Variants in SHROOM4 observed in about 807,000 individuals in gnomAD.
SHROOM4 encodes the protein protein Shroom4.
SHROOM4 carries 17 observed loss-of-function variants against 80.3 expected under a neutral mutation model. That is an observed-to-expected ratio of 0.21 (90% confidence interval 0.14 to 0.32). The LOEUF is 0.32. Ranked by LOEUF, SHROOM4 falls within the 10% of genes least tolerant of loss-of-function variation. The pLI, the probability that SHROOM4 is intolerant of heterozygous loss-of-function variation, is 1.00. For missense variants in SHROOM4, 993 were observed against 1,140.3 expected (o/e 0.87, Z 1.86); for synonymous variants, 400 against 437.5 (o/e 0.91, Z 1.07).
Position 50,596,343 on chromosome X carries a change from A to C in SHROOM4, c.*352T>G. On this transcript the variant is annotated 3_prime_UTR_variant, in exon 9 of 9. Coordinates refer to ENST00000376020, the MANE Select transcript of SHROOM4 (RefSeq NM_020717.5). Reference sequence around the variant, plus strand: ...TGAGCCTTTAGAGGCTGTTGATGATATGGGTGGGTGATGAGTACTTGATGT... The same window carrying C: ...TGAGCCTTTAGAGGCTGTTGATGATCTGGGTGGGTGATGAGTACTTGATGT... 1 of 374,447 alleles carries C rather than the reference A, an allele frequency of 2.7e-6. No homozygotes were observed. Among genetic ancestry groups the C allele is most frequent in the Non-Finnish European group, 5.0e-6 (1 of 199,103 alleles). The allele number at this position is 374,447 out of a possible 1,213,427, so 30.9% of individuals were successfully genotyped here.
intron 2 of SHROOM4, among the ~76,000 whole-genome samples, chrX:50,672,130 C>CCATCTTATATGGGCACAGTTTGT (rs1932803739): frequency 3.6e-5 from 4 of 111,957 alleles, no homozygotes; most frequent in Admixed American, 9.5e-5. Context: ...ATTCAGTTTG[C>CCATCTTATATGGGCACAGTTTGT]CATCTTATAT....
chrX:50,693,746 T>G (rs782755583), intron 2 of SHROOM4, among the ~76,000 whole-genome samples: 2 of 110,884 alleles, frequency 1.8e-5, no homozygotes, highest in South Asian at 7.8e-4. Context: ...ATATGAATTC[T>G]TCTCTACTAG....
intron 1 of SHROOM4, among the ~76,000 whole-genome samples, chrX:50,718,527 T>G: frequency 1.5e-5 from 1 of 67,134 alleles, no homozygotes; most frequent in Middle Eastern, 9.3e-3. Context: ...TCCCATAATT[T>G]TAACAAGAAG....
At chrX:50,604,672 C>G (rs1474789195) in intron 6 of SHROOM4, among the ~76,000 whole-genome samples, 3 of 111,981 alleles carry the variant, frequency 2.7e-5, no homozygotes, top group African/African-American at 9.7e-5. Context: ...ATTGGAGACT[C>G]AGTTCCCCAG....
At chrX:50,794,920 A>G (rs1040696219) in intron 1 of SHROOM4, among the ~76,000 whole-genome samples, 18 of 98,444 alleles carry the variant, frequency 1.8e-4, no homozygotes, top group East Asian at 6.1e-4. Flanking sequence ...ATATATATAT[A>G]TGTGTATGTG....
At chrX:50,694,067 G>A (rs1281088466) in intron 2 of SHROOM4, among the ~76,000 whole-genome samples, 2 of 111,395 alleles carry the variant, frequency 1.8e-5, no homozygotes, top group South Asian at 3.8e-4. Context: ...TGGCTGAATC[G>A]TATTCCATTG....
At chrX:50,649,205 T>C (rs111664572) in intron 2 of SHROOM4, among the ~76,000 whole-genome samples, 1,926 of 111,826 alleles carry the variant, frequency 0.017, 46 homozygotes, top group African/African-American at 0.059. Flanking sequence ...TTAGGAAACA[T>C]GAGTTTGATT....
At chrX:50,610,124 C>T (rs1309161425) in intron 5 of SHROOM4, among the ~76,000 whole-genome samples, 2 of 111,195 alleles carry the variant, frequency 1.8e-5, no homozygotes, top group African/African-American at 6.6e-5. Flanking sequence ...TAATAATACA[C>T]ATAATAATAG....
At chrX:50,632,806 A>G (rs1335649896) in intron 4 of SHROOM4, among the ~76,000 whole-genome samples, 3 of 112,145 alleles carry the variant, frequency 2.7e-5, no homozygotes, top group African/African-American at 9.7e-5. Flanking sequence ...GAGATGAGGT[A>G]GTGAGACTCT....
intron 2 of SHROOM4, among the ~76,000 whole-genome samples, chrX:50,655,452 T>C (rs1932266414): frequency 9.2e-6 from 1 of 108,450 alleles, no homozygotes; most frequent in Non-Finnish European, 1.9e-5. Flanking sequence ...GATTTCCTTC[T>C]TTTTTATGGC....
chrX:50,741,266 G>T (rs1934648888), intron 1 of SHROOM4, among the ~76,000 whole-genome samples: 1 of 110,661 alleles, frequency 9.0e-6, no homozygotes. Flanking sequence ...TAGAATGGTG[G>T]TTACTAGAGG....
chrX:50,678,115 T>A (rs1338552314), intron 2 of SHROOM4, among the ~76,000 whole-genome samples: 1 of 111,740 alleles, frequency 8.9e-6, no homozygotes, highest in Non-Finnish European at 1.9e-5. Flanking sequence ...TCAACAAAAT[T>A]GTCCTGTATA....
intron 2 of SHROOM4, among the ~76,000 whole-genome samples, chrX:50,675,460 T>C (rs908810434): frequency 3.6e-5 from 4 of 111,163 alleles, no homozygotes; most frequent in African/African-American, 1.3e-4. Context: ...AAGATGCTTC[T>C]TGAATTCCTA....
At chrX:50,628,775 A>G (rs1930921549) in intron 4 of SHROOM4, among the ~76,000 whole-genome samples, 1 of 112,173 alleles carries the variant, frequency 8.9e-6, no homozygotes, top group African/African-American at 3.2e-5. Context: ...AGTAGTGATA[A>G]TAAATAAGAT....
At chrX:50,797,093 G>C (rs1936032078) in intron 1 of SHROOM4, among the ~76,000 whole-genome samples, 2 of 106,014 alleles carry the variant, frequency 1.9e-5, no homozygotes, top group Admixed American at 1.0e-4. Context: ...AAGAGTGCGG[G>C]GGGAGGGACT....
At chrX:50,678,365 C>A (rs782705090) in intron 2 of SHROOM4, among the ~76,000 whole-genome samples, 1 of 111,311 alleles carries the variant, frequency 9.0e-6, no homozygotes, top group Non-Finnish European at 1.9e-5. Context: ...ATAACAAATT[C>A]TCTCCCCTCT....
intron 1 of SHROOM4, among the ~76,000 whole-genome samples, chrX:50,776,924 T>C (rs1935523903): frequency 9.0e-6 from 1 of 110,758 alleles, no homozygotes; most frequent in South Asian, 3.8e-4. Flanking sequence ...CTGGGCTCAA[T>C]TGATCCTCCT....
chrX:50,753,448 C>A (rs908629098), intron 1 of SHROOM4, among the ~76,000 whole-genome samples: 5 of 111,826 alleles, frequency 4.5e-5, no homozygotes, highest in Non-Finnish European at 7.5e-5. Context: ...CTTTCCTCAT[C>A]ACTTCACAGA....
chrX:50,750,293 T>A (rs1212169495), intron 1 of SHROOM4, among the ~76,000 whole-genome samples: 1 of 111,813 alleles, frequency 8.9e-6, no homozygotes, highest in African/African-American at 3.3e-5. Context: ...GGAGTCTCAC[T>A]CTGTTGCCCA....
Sources: gnomAD v4.1 joint callset for allele counts (sites outside exome capture counted in the v4.1 genomes callset) on GRCh38, gnomAD v4.1.1 for gene constraint, MANE v1.5 for transcripts, NCBI Gene and HGNC (gene_info 2026-07-23, HGNC 2026-07-21) for gene names.